The following COP1 variants were observed in gnomAD, a reference collection of about 807,000 sequenced individuals.
The protein encoded by COP1 is COP1 E3 ubiquitin ligase.
In COP1, 24 loss-of-function variants were observed where a neutral mutation model predicts 101.3. The observed-to-expected ratio is 0.24, with a 90% confidence interval of 0.17 to 0.33. The LOEUF is 0.33. Ranked by LOEUF, COP1 falls within the 10% of genes least tolerant of loss-of-function variation. COP1 has a pLI of 1.00. For synonymous variants in COP1, 347 were observed against 341.9 expected (o/e 1.01, Z -0.17); for missense variants, 663 against 906.2 (o/e 0.73, Z 3.45).
chr1:176,133,164 G>A (rs964522556), intron 8 of COP1, among the ~76,000 whole-genome samples: 2 of 118,694 alleles, frequency 1.7e-5, no homozygotes, highest in Admixed American at 8.4e-5. Context: ...ATATATATAC[G>A]TATGTACACA....
At chr1:176,016,412 G>A (rs1665656703) in intron 15 of COP1, among the ~76,000 whole-genome samples, 1 of 152,176 alleles carries the variant, frequency 6.6e-6, no homozygotes, top group African/African-American at 2.4e-5. Flanking sequence ...CTACTACTGA[G>A]AGATCAAATG....
intron 18 of COP1, among the ~76,000 whole-genome samples, chr1:175,958,015 T>C (rs1293385918): frequency 6.6e-6 from 1 of 152,002 alleles, no homozygotes; most frequent in African/African-American, 2.4e-5. Flanking sequence ...TAGCTTGTAG[T>C]GGAGAAGGGA....
At chr1:176,050,335 C>A (rs1672325255) in intron 11 of COP1, among the ~76,000 whole-genome samples, 1 of 152,156 alleles carries the variant, frequency 6.6e-6, no homozygotes, top group Non-Finnish European at 1.5e-5. Context: ...CAGTACAATG[C>A]GGCACAAAGC....
chr1:176,049,685 C>T (rs750693743), intron 11 of COP1, among the ~76,000 whole-genome samples: 1 of 152,018 alleles, frequency 6.6e-6, no homozygotes, highest in Non-Finnish European at 1.5e-5. Context: ...CATATTTAAT[C>T]ATATATATTC....
chr1:176,095,356 G>A (rs1236801832), intron 9 of COP1, among the ~76,000 whole-genome samples: 1 of 152,164 alleles, frequency 6.6e-6, no homozygotes, highest in Admixed American at 6.5e-5. Context: ...TCAGGAATCT[G>A]GGAGGACAAA....
chr1:176,061,075 G>A (rs1674747671), intron 11 of COP1, among the ~76,000 whole-genome samples: 1 of 152,178 alleles, frequency 6.6e-6, no homozygotes, highest in South Asian at 2.1e-4. Context: ...TAAAACTACA[G>A]TAATCATGAC....
At chr1:176,174,324 G>A (rs10913146) in intron 3 of COP1, among the ~76,000 whole-genome samples, 268 of 152,236 alleles carry the variant, frequency 1.8e-3, no homozygotes, top group African/African-American at 6.1e-3. Context: ...CAAGCACAGG[G>A]ACAAAGGATT....
In COP1 at chr1:176,030,006, C is replaced by T. The variant is rs1338470968; in HGVS notation, c.1613-2318G>A. 9.2e-5 allele frequency among the ~76,000 whole-genome samples: 14 copies of T among 152,166 alleles called. No homozygotes were observed. In the East Asian group the frequency reaches 2.7e-3, roughly 29 times the overall value. Reference sequence around the variant, plus strand: ...AAACTCTGCCACCCATCCTGGAGTGCACTGGTATGATCATAGCTCACTGCA... The same window carrying T: ...AAACTCTGCCACCCATCCTGGAGTGTACTGGTATGATCATAGCTCACTGCA... On this transcript the variant is annotated intron_variant, in intron 14 of 19. Transcript: ENST00000367669.
chr1:176,037,953 A>C (rs7541563), intron 14 of COP1, among the ~76,000 whole-genome samples: 1 of 152,096 alleles, frequency 6.6e-6, no homozygotes, highest in South Asian at 2.1e-4. Flanking sequence ...AAAGCAAGGC[A>C]GGAACGGGAA....
At chr1:176,082,210 T>A (rs1039171243) in intron 10 of COP1, among the ~76,000 whole-genome samples, 27 of 152,154 alleles carry the variant, frequency 1.8e-4, no homozygotes, top group African/African-American at 6.5e-4. Flanking sequence ...AGCACTTTAG[T>A]TTCCTAGACT....
intron 9 of COP1, among the ~76,000 whole-genome samples, chr1:176,111,749 C>G (rs1685331817): frequency 4.0e-5 from 6 of 151,846 alleles, no homozygotes; most frequent in Admixed American, 3.9e-4. Flanking sequence ...TTACAGTATT[C>G]TTTAGTTTGC....
chr1:176,048,379 T>C (rs1236237225), intron 11 of COP1, among the ~76,000 whole-genome samples: 5 of 152,160 alleles, frequency 3.3e-5, no homozygotes, highest in African/African-American at 7.2e-5. Flanking sequence ...TGTCACTGAC[T>C]AGGGCACAAT....
intron 2 of COP1, among the ~76,000 whole-genome samples, chr1:176,178,865 A>G (rs1487225866): frequency 1.3e-5 from 2 of 151,506 alleles, no homozygotes; most frequent in Non-Finnish European, 2.9e-5. Flanking sequence ...ACCCCACTCC[A>G]TCCCAAAAAA....
intron 18 of COP1, among the ~76,000 whole-genome samples, chr1:175,958,730 T>C (rs955918295): frequency 7.2e-5 from 11 of 151,950 alleles, no homozygotes; most frequent in African/African-American, 2.7e-4. Flanking sequence ...AATTTTAATA[T>C]TTAAGCCAAG....
intron 11 of COP1, among the ~76,000 whole-genome samples, chr1:176,057,291 C>T (rs908580180): frequency 2.0e-5 from 3 of 152,114 alleles, no homozygotes; most frequent in Non-Finnish European, 4.4e-5. Context: ...AGTGTATTCC[C>T]TCCCCACTTC....
At chr1:176,192,746 A>C (rs558433098) in intron 1 of COP1, among the ~76,000 whole-genome samples, 142 of 152,308 alleles carry the variant, frequency 9.3e-4, no homozygotes, top group African/African-American at 3.3e-3. Context: ...GTATAAGAAA[A>C]TATGAACAGG....
At chr1:175,953,199 T>C (rs1456706900) in intron 18 of COP1, among the ~76,000 whole-genome samples, 1 of 151,936 alleles carries the variant, frequency 6.6e-6, no homozygotes, top group African/African-American at 2.4e-5. Context: ...AAGTTAAACA[T>C]ATTATAAACT....
At chr1:176,089,707 ATT>A (rs1345907969) in intron 9 of COP1, among the ~76,000 whole-genome samples, 1 of 152,150 alleles carries the variant, frequency 6.6e-6, no homozygotes, top group East Asian at 1.9e-4. Flanking sequence ...CCAAATTCCT[ATT>A]TAAGGAGACT....
intron 1 of COP1, among the ~76,000 whole-genome samples, chr1:176,192,750 G>A (rs746296028): frequency 7.9e-5 from 12 of 152,234 alleles, no homozygotes; most frequent in Non-Finnish European, 1.8e-4. Flanking sequence ...AAGAAAATAT[G>A]AACAGGGTAC....
Sources: gnomAD v4.1 joint callset for allele counts (sites outside exome capture counted in the v4.1 genomes callset) on GRCh38, gnomAD v4.1.1 for gene constraint, MANE v1.5 for transcripts, NCBI Gene and HGNC (gene_info 2026-07-23, HGNC 2026-07-21) for gene names.